Variants in DLGAP1 observed in about 807,000 individuals in gnomAD.
The protein encoded by DLGAP1 is DLG associated protein 1.
Under a neutral mutation model 90.8 loss-of-function variants are expected in DLGAP1, and 11 were observed. That is an observed-to-expected ratio of 0.12 (90% confidence interval 0.08 to 0.20). The LOEUF is 0.20. Among genes scored for constraint, DLGAP1 ranks in the 10% least tolerant of loss-of-function variants. The pLI is 1.00. For synonymous variants in DLGAP1, 558 were observed against 540.7 expected (o/e 1.03, Z -0.44); for missense variants, 1,050 against 1,333.8 (o/e 0.79, Z 3.31).
chr18:4,284,735 G>A (rs664096), intron 1 of DLGAP1, among the ~76,000 whole-genome samples: 39,030 of 152,192 alleles, frequency 0.26, 5,369 homozygotes, highest in African/African-American at 0.35. Context: ...CAGGTCTCAG[G>A]TGACAAGCTA....
At chr18:4,088,429 T>TTGTG (rs35217865) in intron 2 of DLGAP1, among the ~76,000 whole-genome samples, 7 of 148,346 alleles carry the variant, frequency 4.7e-5, no homozygotes, top group East Asian at 3.9e-4. Context: ...TAATTTTCCT[T>TTGTG]TGTGTGTGTG....
intron 4 of DLGAP1, among the ~76,000 whole-genome samples, chr18:3,847,387 T>C (rs2069078260): frequency 6.6e-6 from 1 of 152,272 alleles, no homozygotes; most frequent in African/African-American, 2.4e-5. Flanking sequence ...AAGAACCACC[T>C]GTGCCGGTGT....
chr18:4,128,097 A>G (rs2076257520), intron 2 of DLGAP1, among the ~76,000 whole-genome samples: 1 of 152,216 alleles, frequency 6.6e-6, no homozygotes, highest in African/African-American at 2.4e-5. Flanking sequence ...ATGTCACTAG[A>G]GAAAATCATG....
intron 4 of DLGAP1, among the ~76,000 whole-genome samples, chr18:3,865,338 CAAAT>C (rs2070318598): frequency 1.3e-5 from 2 of 152,148 alleles, no homozygotes; most frequent in Non-Finnish European, 2.9e-5. Context: ...AACAGACAAG[CAAAT>C]AAACACAAGG....
At chr18:4,333,047 G>A (rs75429197) in intron 1 of DLGAP1, among the ~76,000 whole-genome samples, 5,499 of 151,924 alleles carry the variant, frequency 0.036, 298 homozygotes, top group African/African-American at 0.092. Context: ...TCATAGGTGC[G>A]CTACTTGCAT....
intron 5 of DLGAP1, among the ~76,000 whole-genome samples, chr18:3,772,366 T>TTC (rs1477822692): frequency 2.6e-4 from 4 of 15,540 alleles, no homozygotes; most frequent in Non-Finnish European, 6.1e-4. Context: ...CTTTCTTTCT[T>TTC]TCTTTCTTTC....
intron 1 of DLGAP1, among the ~76,000 whole-genome samples, chr18:4,251,751 A>ATCAT (rs1274816375): frequency 6.6e-6 from 1 of 152,230 alleles, no homozygotes; most frequent in Non-Finnish European, 1.5e-5. Context: ...GTGAGCCTCA[A>ATCAT]GAGGGAATCA....
intron 4 of DLGAP1, among the ~76,000 whole-genome samples, chr18:3,863,807 C>T (rs2070229690): frequency 6.6e-6 from 1 of 152,228 alleles, no homozygotes; most frequent in African/African-American, 2.4e-5. Flanking sequence ...CCAGGCCCCT[C>T]TAGGAAGCAG....
At chr18:4,391,145 T>A (rs752714438) in intron 1 of DLGAP1, among the ~76,000 whole-genome samples, 1 of 152,210 alleles carries the variant, frequency 6.6e-6, no homozygotes, top group Non-Finnish European at 1.5e-5. Context: ...AACAGACATA[T>A]ATATTTCCCA....
chr18:3,814,380 G>A, intron 4 of DLGAP1, 107 bp from the exon 5 acceptor site: 2 of 602,062 alleles, frequency 3.3e-6, no homozygotes, highest in African/African-American at 4.4e-5. Flanking sequence ...TTTTTTTTTT[G>A]AGATGGGGTC....
Position 3,897,815 on chromosome 18 carries a change from T to C in DLGAP1, c.-72-17675A>G, listed in dbSNP as rs1349726834. ...TTTTTTTTTTTTTTTTGAGACGGAG[T>C]CTCGCTCTGTCGCCCAGGCCGGACT... On this transcript the variant is annotated intron_variant, in intron 3 of 12. Transcript: ENST00000315677. 6.8e-5 allele frequency among the ~76,000 whole-genome samples: 9 copies of C among 132,406 alleles called. No individual in the cohort carries two copies. The Admixed American group carries it at 6.8e-4, about 10-fold the overall frequency. The allele number at this position is 132,406 out of a possible 152,430, so 86.9% of individuals were successfully genotyped here.
At chr18:3,609,423 T>C (rs138927111) in intron 7 of DLGAP1, among the ~76,000 whole-genome samples, 146 of 152,318 alleles carry the variant, frequency 9.6e-4, no homozygotes, top group African/African-American at 3.2e-3. Context: ...CTGTTACTAA[T>C]CTGTCTTCTG....
chr18:3,958,865 G>T (rs910012234), intron 3 of DLGAP1, among the ~76,000 whole-genome samples: 1 of 152,182 alleles, frequency 6.6e-6, no homozygotes, highest in Non-Finnish European at 1.5e-5. Flanking sequence ...CAAGTCCTGT[G>T]CTTTGACATT....
intron 2 of DLGAP1, among the ~76,000 whole-genome samples, chr18:4,028,297 TA>T (rs542454071): frequency 4.6e-5 from 7 of 152,272 alleles, no homozygotes; most frequent in African/African-American, 1.7e-4. Flanking sequence ...CATATTTATA[TA>T]AAAAAATACA....
chr18:3,763,274 G>C (rs1445544580), intron 5 of DLGAP1, among the ~76,000 whole-genome samples: 13 of 152,130 alleles, frequency 8.5e-5, no homozygotes, highest in Admixed American at 8.5e-4. Context: ...TCCTACCCTT[G>C]AACATCGGCC....
intron 6 of DLGAP1, among the ~76,000 whole-genome samples, chr18:3,737,150 GT>G (rs1281668722): frequency 1.4e-5 from 2 of 146,760 alleles, no homozygotes; most frequent in African/African-American, 5.0e-5. Context: ...ACCAAAAAGA[GT>G]CCAGGACCAG....
At chr18:4,024,890 A>G (rs2074673965) in intron 2 of DLGAP1, among the ~76,000 whole-genome samples, 1 of 152,120 alleles carries the variant, frequency 6.6e-6, no homozygotes, top group East Asian at 1.9e-4. Context: ...ATGAAACAGT[A>G]ATCCAGGAGT....
rs573050905 is a variant in DLGAP1 at position 3,726,288 on chromosome 18, C to T, written c.1591+2847G>A. On this transcript the variant is annotated intron_variant, in intron 7 of 12. Coordinates refer to ENST00000315677, the MANE Select transcript of DLGAP1 (RefSeq NM_004746.4). ...CTCAATTTTCATAGATGAGTGTATTCTTTCAAAAATTATTAGGTCCTGTAA... is the reference window on the plus strand; with the variant it reads ...CTCAATTTTCATAGATGAGTGTATTTTTTCAAAAATTATTAGGTCCTGTAA... Among the ~76,000 whole-genome samples, 162 of 152,210 alleles carry T rather than the reference C, an allele frequency of 1.1e-3. 2 individuals carry two copies. The highest frequency in any genetic ancestry group is 3.8e-3 in the African/African-American group (157 of 41,544).
chr18:3,867,079 C>G (rs767901629), intron 4 of DLGAP1, among the ~76,000 whole-genome samples: 11 of 152,132 alleles, frequency 7.2e-5, no homozygotes, highest in Non-Finnish European at 1.5e-4. Context: ...GTCTTGAACT[C>G]CTGACCTCGT....
Sources: allele counts gnomAD v4.1 joint callset (sites outside exome capture counted in the v4.1 genomes callset), GRCh38; gene constraint gnomAD v4.1.1; transcripts MANE v1.5; gene names NCBI Gene and HGNC (gene_info 2026-07-23, HGNC 2026-07-21).